The following FNDC3B variants were observed in gnomAD, a reference collection of about 807,000 sequenced individuals.
FNDC3B encodes fibronectin type III domain-containing protein 3B.
Under a neutral mutation model 151.5 loss-of-function variants are expected in FNDC3B, and 12 were observed. The observed-to-expected ratio is 0.08, with a 90% CI of 0.05 to 0.13. FNDC3B has a LOEUF of 0.13. Ranked by LOEUF, FNDC3B falls within the 10% of genes least tolerant of loss-of-function variation. FNDC3B has a pLI of 1.00. For missense variants in FNDC3B, 1,214 were observed against 1,505.3 expected (o/e 0.81, Z 3.20); for synonymous variants, 528 against 549.0 (o/e 0.96, Z 0.54).
At chr3:172,059,493 T>C (rs1717083146) in intron 1 of FNDC3B, among the ~76,000 whole-genome samples, 1 of 152,176 alleles carries the variant, frequency 6.6e-6, no homozygotes, top group Admixed American at 6.5e-5. Flanking sequence ...GTCAAAAGTT[T>C]GCATCTGAAA....
chr3:172,381,893 C>T (rs1371331603), intron 25 of FNDC3B, among the ~76,000 whole-genome samples: 1 of 152,094 alleles, frequency 6.6e-6, no homozygotes, highest in Non-Finnish European at 1.5e-5. Context: ...GGGTTGGTTC[C>T]AAGTCTTTGC....
intron 1 of FNDC3B, among the ~76,000 whole-genome samples, chr3:172,055,372 T>C (rs1375639098): frequency 2.6e-5 from 4 of 152,234 alleles, no homozygotes; most frequent in Non-Finnish European, 4.4e-5. Flanking sequence ...TTACATCTTA[T>C]TGACACCCGT....
At chr3:172,096,570 T>A (rs1719100529) in intron 1 of FNDC3B, among the ~76,000 whole-genome samples, 1 of 152,168 alleles carries the variant, frequency 6.6e-6, no homozygotes, top group Admixed American at 6.5e-5. Context: ...TAAAATGTGA[T>A]TTAGGAACCA....
chr3:172,120,452 C>A (rs1720476616), intron 2 of FNDC3B, among the ~76,000 whole-genome samples: 1 of 151,992 alleles, frequency 6.6e-6, no homozygotes, highest in South Asian at 2.1e-4. Context: ...TGCCTGGCAT[C>A]TGAAGTAACA....
Position 172,111,603 on chromosome 3 carries a change from C to T in FNDC3B, c.-28-849C>T, listed in dbSNP as rs1344251559. ...GCTTTTATATATCTTTTGATACTTC[C>T]AAGGGAGGACTTTTTTTGGGTGGGA... On this transcript the variant is annotated intron_variant, in intron 1 of 25. Coordinates refer to ENST00000415807, the MANE Select transcript of FNDC3B (RefSeq NM_022763.4). Among the ~76,000 whole-genome samples, 4 of 151,972 alleles carry T rather than the reference C, an allele frequency of 2.6e-5. No homozygotes were observed. The South Asian group carries it at 6.2e-4, about 24-fold the overall frequency.
chr3:172,164,176 G>A (rs1722905271), intron 3 of FNDC3B, among the ~76,000 whole-genome samples: 1 of 152,148 alleles, frequency 6.6e-6, no homozygotes, highest in Non-Finnish European at 1.5e-5. Flanking sequence ...GATGAGTACT[G>A]TCAGATTATT....
At chr3:172,144,356 T>C (rs758002294) in intron 3 of FNDC3B, among the ~76,000 whole-genome samples, 30 of 152,178 alleles carry the variant, frequency 2.0e-4, no homozygotes, top group Non-Finnish European at 3.7e-4. Context: ...GTGTGAGATT[T>C]GGAGGGGACA....
intron 16 of FNDC3B, among the ~76,000 whole-genome samples, chr3:172,340,202 T>G (rs1186277083): frequency 1.3e-5 from 2 of 152,084 alleles, no homozygotes; most frequent in African/African-American, 4.8e-5. Context: ...TGACCGTTTC[T>G]CTCTTCAGTT....
intron 2 of FNDC3B, among the ~76,000 whole-genome samples, chr3:172,117,614 C>T (rs993465921): frequency 4.5e-4 from 69 of 152,174 alleles, no homozygotes; most frequent in Admixed American, 5.2e-4. Flanking sequence ...TAACGTGATA[C>T]TTATAAGGGT....
rs1054014906 is a variant in FNDC3B at position 172,128,134 on chromosome 3, C to T, written c.112-5337C>T. On this transcript the variant is annotated intron_variant, in intron 2 of 25. Transcript: ENST00000415807. ...AGGGGAGCTTCACCTACAATGTGTACCCTTGGACCTTGAGTTCCCAGTGTT... is the reference window on the plus strand; with the variant it reads ...AGGGGAGCTTCACCTACAATGTGTATCCTTGGACCTTGAGTTCCCAGTGTT... Among the ~76,000 whole-genome samples the T allele has an allele frequency of 2.0e-5, 3 of 152,126 alleles. No homozygotes were observed. In the South Asian group the frequency reaches 6.2e-4, roughly 32 times the overall value.
intron 3 of FNDC3B, among the ~76,000 whole-genome samples, chr3:172,163,002 G>T (rs1454317880): frequency 6.6e-6 from 1 of 152,198 alleles, no homozygotes; most frequent in Non-Finnish European, 1.5e-5. Flanking sequence ...GCTGGGCATG[G>T]TGGTTCATGC....
At chr3:172,043,811 G>T (rs980305726) in intron 1 of FNDC3B, among the ~76,000 whole-genome samples, 3 of 152,128 alleles carry the variant, frequency 2.0e-5, no homozygotes, top group African/African-American at 7.2e-5. Context: ...GTTTAATATA[G>T]GAATTGTGCA....
intron 4 of FNDC3B, among the ~76,000 whole-genome samples, chr3:172,228,262 A>G (rs998778457): frequency 1.3e-5 from 2 of 152,212 alleles, no homozygotes; most frequent in African/African-American, 4.8e-5. Context: ...TCACATTCAC[A>G]TCAGCCGTCA....
In FNDC3B at chr3:172,328,934, T is replaced by C. The variant is rs1732492246; in HGVS notation, c.1255-18T>C. On this transcript the variant is annotated intron_variant, in intron 11 of 25. Transcript: ENST00000415807. ...TTTTTTTTTTAAGTATATGCATTGT[T>C]TCATTGTTTACTTTTAGGGAAAAAG... is the stretch of plus-strand genomic sequence containing the variant. 1 of 1,585,872 alleles carries C rather than the reference T, an allele frequency of 6.3e-7. No individual in the cohort carries two copies. Among genetic ancestry groups the C allele is most frequent in the African/African-American group, 1.4e-5 (1 of 73,804 alleles).
intron 6 of FNDC3B, among the ~76,000 whole-genome samples, chr3:172,256,042 AT>A (rs548068232): frequency 6.6e-5 from 10 of 152,346 alleles, no homozygotes; most frequent in African/African-American, 2.4e-4. Flanking sequence ...AGATCTCAAC[AT>A]TTTAATTCCT....
At chr3:172,242,000 G>A (rs959362322) in intron 4 of FNDC3B, among the ~76,000 whole-genome samples, 1 of 152,186 alleles carries the variant, frequency 6.6e-6, no homozygotes, top group African/African-American at 2.4e-5. Context: ...ACAGCCATTC[G>A]AAATGGGAGA....
chr3:172,188,123 G>A (rs1400583814), intron 3 of FNDC3B, among the ~76,000 whole-genome samples: 1 of 151,148 alleles, frequency 6.6e-6, no homozygotes, highest in Non-Finnish European at 1.5e-5. Context: ...AGCCTCCCTA[G>A]TAGCTGGGAT....
At chr3:172,381,991 T>G (rs575611318) in intron 25 of FNDC3B, among the ~76,000 whole-genome samples, 10 of 152,344 alleles carry the variant, frequency 6.6e-5, no homozygotes, top group African/African-American at 2.4e-4. Context: ...TACCCAGTAA[T>G]GGGATTGCTG....
intron 9 of FNDC3B, 134 bp from the exon 10 acceptor site, chr3:172,307,229 T>C (rs1459851801): frequency 1.1e-6 from 1 of 885,898 alleles, no homozygotes; most frequent in Non-Finnish European, 1.8e-6. Context: ...GACCAACAGA[T>C]AAGAGCAAGA....
Sources: allele counts gnomAD v4.1 joint callset (sites outside exome capture counted in the v4.1 genomes callset), GRCh38; gene constraint gnomAD v4.1.1; transcripts MANE v1.5; gene names NCBI Gene and HGNC (gene_info 2026-07-23, HGNC 2026-07-21).